The following ADAM12 variants were observed in gnomAD, a reference collection of about 807,000 sequenced individuals.
ADAM12 encodes ADAM metallopeptidase domain 12.
ADAM12 carries 70 observed loss-of-function variants against 106.4 expected under a neutral mutation model. The ratio of observed to expected loss-of-function variants is 0.66; its 90% CI spans 0.54 to 0.80. The LOEUF is 0.80. Among genes scored for constraint, ADAM12 ranks in the 30% least tolerant of loss-of-function variants. The pLI is 0.00. For synonymous variants in ADAM12, 420 were observed against 433.5 expected (o/e 0.97, Z 0.39); for missense variants, 1,010 against 1,171.9 (o/e 0.86, Z 2.02).
chr10:126,170,427 TAA>T (rs1181229407), intron 3 of ADAM12, among the ~76,000 whole-genome samples: 1 of 139,698 alleles, frequency 7.2e-6, no homozygotes, highest in South Asian at 2.4e-4. Flanking sequence ...GTTTTTCCTT[TAA>T]AAAAAAAAAG....
intron 2 of ADAM12, among the ~76,000 whole-genome samples, chr10:126,316,363 T>G (rs967591122): frequency 6.6e-6 from 1 of 152,202 alleles, no homozygotes; most frequent in Non-Finnish European, 1.5e-5. Context: ...TCGTAATTTC[T>G]TCCCCCTCAA....
At chr10:126,261,770 C>T (rs1406597113) in intron 3 of ADAM12, among the ~76,000 whole-genome samples, 2 of 151,418 alleles carry the variant, frequency 1.3e-5, no homozygotes, top group Non-Finnish European at 2.9e-5. Flanking sequence ...GATTAAAAGG[C>T]CTTTTCTCTC....
chr10:126,133,464 A>G (rs1956345155), intron 5 of ADAM12, among the ~76,000 whole-genome samples: 1 of 152,176 alleles, frequency 6.6e-6, no homozygotes, highest in African/African-American at 2.4e-5. Flanking sequence ...GACTCTCACA[A>G]AAGTTGCCAC....
At chr10:126,197,315 C>A (rs1957614852) in intron 3 of ADAM12, among the ~76,000 whole-genome samples, 1 of 152,198 alleles carries the variant, frequency 6.6e-6, no homozygotes, top group South Asian at 2.1e-4. Context: ...CTGATCTGTC[C>A]TCGAATCCCT....
intron 3 of ADAM12, among the ~76,000 whole-genome samples, chr10:126,239,207 G>C (rs1028812474): frequency 6.6e-6 from 1 of 152,172 alleles, no homozygotes; most frequent in African/African-American, 2.4e-5. Context: ...ACATATAACT[G>C]AACAATGTTT....
At chr10:126,373,978 C>T (rs1313688407) in intron 1 of ADAM12, among the ~76,000 whole-genome samples, 2 of 152,192 alleles carry the variant, frequency 1.3e-5, no homozygotes, top group African/African-American at 2.4e-5. Context: ...TAAAACCAAG[C>T]CCAGACAGGC....
intron 3 of ADAM12, among the ~76,000 whole-genome samples, chr10:126,274,637 G>C (rs1248422071): frequency 2.0e-5 from 3 of 152,152 alleles, no homozygotes; most frequent in Non-Finnish European, 4.4e-5. Context: ...AATGTGATGA[G>C]AGCACTTTTT....
At chr10:126,259,135 A>C (rs1260735562) in intron 3 of ADAM12, among the ~76,000 whole-genome samples, 6 of 151,998 alleles carry the variant, frequency 3.9e-5, no homozygotes. Flanking sequence ...CAACAGTAGG[A>C]TCTTGGTGGT....
chr10:126,133,571 C>T (rs749694675), intron 5 of ADAM12, among the ~76,000 whole-genome samples: 4 of 152,180 alleles, frequency 2.6e-5, no homozygotes, highest in African/African-American at 4.8e-5. Context: ...AGTCTATTTC[C>T]AGCCTGGCAG....
At chr10:126,367,189 C>A (rs937358850) in intron 1 of ADAM12, among the ~76,000 whole-genome samples, 2 of 151,416 alleles carry the variant, frequency 1.3e-5, no homozygotes. Flanking sequence ...AACTCTCTAA[C>A]AAATGTAAAG....
intron 18 of ADAM12, chr10:126,042,155 T>C (rs757338703): frequency 2.3e-5 from 37 of 1,613,666 alleles, no homozygotes; most frequent in Non-Finnish European, 3.0e-5. Flanking sequence ...AGTGAGGCAG[T>C]AGACGCATGC....
Position 126,017,174 on chromosome 10 carries a change from T to A in ADAM12, c.*105A>T. 9.3e-7 allele frequency: 1 copy of A among 1,077,252 alleles called. No individual in the cohort carries two copies. The highest frequency in any genetic ancestry group is 1.4e-6 in the Non-Finnish European group (1 of 738,392). 66.7% of individuals were successfully genotyped at this position (1,077,252 alleles called of 1,614,324 possible). On this transcript the variant is annotated 3_prime_UTR_variant, in exon 23 of 23. Coordinates refer to ENST00000448723, the MANE Select transcript of ADAM12 (RefSeq NM_001288973.2). ...CTCAAAGTTCTTATAGTAATGATGT[T>A]TTAAACATTAAAAAAAATCCTAAAA...
chr10:126,094,841 A>C (rs1208960667), intron 10 of ADAM12, among the ~76,000 whole-genome samples: 1 of 152,134 alleles, frequency 6.6e-6, no homozygotes, highest in East Asian at 1.9e-4. Flanking sequence ...GGGGTTCATT[A>C]ACCTTTTGCT....
intron 11 of ADAM12, among the ~76,000 whole-genome samples, chr10:126,084,873 A>G (rs1424777768): frequency 1.3e-5 from 2 of 152,192 alleles, no homozygotes; most frequent in Non-Finnish European, 2.9e-5. Context: ...GACCCTGACC[A>G]CCTGTGGGCC....
chr10:126,121,146 A>ATATAT, intron 5 of ADAM12, among the ~76,000 whole-genome samples: 1 of 49,522 alleles, frequency 2.0e-5, no homozygotes, highest in Non-Finnish European at 3.3e-5. Flanking sequence ...TACTATATAT[A>ATATAT]CTATATATAC....
chr10:126,232,796 G>A (rs1958338502), intron 3 of ADAM12, among the ~76,000 whole-genome samples: 1 of 152,194 alleles, frequency 6.6e-6, no homozygotes, highest in Admixed American at 6.5e-5. Flanking sequence ...AGGTGAAAAT[G>A]ATGAGGGTTA....
intron 9 of ADAM12, among the ~76,000 whole-genome samples, chr10:126,099,348 A>C (rs1181444352): frequency 2.0e-5 from 3 of 151,772 alleles, no homozygotes; most frequent in African/African-American, 2.4e-5. Flanking sequence ...GTGTATATAA[A>C]ACCTTCTCCC....
intron 3 of ADAM12, among the ~76,000 whole-genome samples, chr10:126,239,465 G>C (rs1018620798): frequency 2.6e-5 from 4 of 152,140 alleles, no homozygotes; most frequent in Non-Finnish European, 5.9e-5. Context: ...TCAACTTTCT[G>C]GAGTACTTGG....
chr10:126,036,306 A>T lies in ADAM12; in HGVS notation c.2369T>A (p.Leu790Gln). 1 of 1,565,874 alleles carries T rather than the reference A, an allele frequency of 6.4e-7. No individual in the cohort carries two copies. Among genetic ancestry groups the T allele is most frequent in the Non-Finnish European group, 8.6e-7 (1 of 1,162,258 alleles). ...YPPKDNPRRL[L>Q]QCQNVDISRP... ...GCTGATGTCAACATTCTGACACTGC[A>T]GCAATCTCCTGGGATTGTCCTGTAC... The change falls in exon 21 of 23, where the codon CTG becomes CAG. Residue 790 changes from leucine (L) to glutamine (Q), a missense_variant. Around this residue, in one of 3 missense-constraint regions of ADAM12, gnomAD observed 615 missense variants for 708.5 expected, o/e 0.87. Coordinates refer to ENST00000448723, the MANE Select transcript of ADAM12 (RefSeq NM_001288973.2).
Sources: allele counts gnomAD v4.1 joint callset (sites outside exome capture counted in the v4.1 genomes callset), GRCh38; gene constraint gnomAD v4.1.1; regional missense constraint gnomAD v4.1.1; transcripts MANE v1.5; gene names NCBI Gene and HGNC (gene_info 2026-07-23, HGNC 2026-07-21).